DSCAM: variants seen among roughly 807,000 people sequenced by gnomAD.
The protein encoded by DSCAM is DS cell adhesion molecule.
A neutral mutation model predicts 217.7 loss-of-function variants in DSCAM; 47 were observed. The ratio of observed to expected loss-of-function variants is 0.22; its 90% CI spans 0.17 to 0.28. The LOEUF (loss-of-function observed/expected upper bound fraction) is 0.28, where lower values mean the gene tolerates loss of function less well. Among genes scored for constraint, DSCAM ranks in the 10% least tolerant of loss-of-function variants. DSCAM has a pLI of 1.00. For missense variants in DSCAM, 2,080 were observed against 2,618.3 expected, an observed-to-expected ratio of 0.79 and a Z score of 4.49; for synonymous variants, 1,056 against 1,015.3, an observed-to-expected ratio of 1.04 and a Z score of -0.76.
At chr21:40,332,651 A>T (rs1182918736) in intron 8 of DSCAM, among the ~76,000 whole-genome samples, 1 of 152,176 alleles carries the variant, frequency 6.6e-6, no homozygotes, top group Non-Finnish European at 1.5e-5. Flanking sequence ...ACTGCTTGTT[A>T]AGTTGAAATG....
At chr21:40,687,905 A>C (rs551500837) in intron 3 of DSCAM, among the ~76,000 whole-genome samples, 1 of 152,186 alleles carries the variant, frequency 6.6e-6, no homozygotes, top group Non-Finnish European at 1.5e-5. Context: ...TGCGTGATCT[A>C]TGATGCCCAG....
At chr21:40,651,278 G>A (rs759131896) in intron 3 of DSCAM, among the ~76,000 whole-genome samples, 1 of 152,166 alleles carries the variant, frequency 6.6e-6, no homozygotes, top group Non-Finnish European at 1.5e-5. Context: ...CGCAAGGCTT[G>A]AGGGTCTTCA....
intron 1 of DSCAM, among the ~76,000 whole-genome samples, chr21:40,798,301 A>G (rs1394516460): frequency 6.6e-6 from 1 of 152,148 alleles, no homozygotes; most frequent in Admixed American, 6.5e-5. Context: ...CTGTAAAAAA[A>G]AAGAGAATAC....
chr21:40,203,111 T>A (rs1486715095), intron 11 of DSCAM, among the ~76,000 whole-genome samples: 1 of 152,098 alleles, frequency 6.6e-6, no homozygotes, highest in African/African-American at 2.4e-5. Context: ...ATCACACAGG[T>A]AGAGAGGAGC....
chr21:40,735,198 G>C (rs1381427464), intron 1 of DSCAM, among the ~76,000 whole-genome samples: 1 of 152,170 alleles, frequency 6.6e-6, no homozygotes, highest in East Asian at 1.9e-4. Context: ...GGTAAGTACT[G>C]CATCCTATTA....
At position 40,011,459 on chromosome 21, in the gene DSCAM, A is replaced by C. The variant is rs141835760; in HGVS notation, c.*1575T>G. 1 of 152,358 alleles carries C rather than the reference A, an allele frequency of 6.6e-6. No homozygotes were observed. The highest frequency in any genetic ancestry group is 1.9e-4 in the East Asian group (1 of 5,178). The allele number at this position is 152,358 out of a possible 1,614,324, so 9.4% of individuals were successfully genotyped here. ...TGGCCTTAATGGAAGCCTGTAGAGAATCTTCAGCCTGGGAGACTGAGCAGC... is the reference window on the plus strand; with the variant it reads ...TGGCCTTAATGGAAGCCTGTAGAGACTCTTCAGCCTGGGAGACTGAGCAGC... On this transcript the variant is annotated 3_prime_UTR_variant, in exon 33 of 33. Transcript: ENST00000400454.
chr21:40,080,228 C>A lies in DSCAM; in HGVS notation c.4344G>T (p.Lys1448Asn). 3 of 1,613,272 alleles carry A rather than the reference C, an allele frequency of 1.9e-6. No homozygotes were observed. Among genetic ancestry groups the A allele is most frequent in the Non-Finnish European group, 2.5e-6 (3 of 1,179,884 alleles). Reference sequence around the variant, plus strand: ...CTCCATTTTGGGCTGTCAGTGTGAACTTATACCAAGTCCCACATTTGAGAT... The same window carrying A: ...CTCCATTTTGGGCTGTCAGTGTGAAATTATACCAAGTCCCACATTTGAGAT... ...LENLKCGTWYKFTLTAQNGVG... is the reference protein window; with the variant it reads ...LENLKCGTWYNFTLTAQNGVG... Residue 1448 changes from lysine to asparagine, a missense_variant, in exon 25 of 33, where the codon AAG (lysine) becomes AAT (asparagine). By Grantham distance (94) the Lys-to-Asn change is moderately conservative (BLOSUM62 0). Transcript: ENST00000400454.
chr21:40,513,841 T>TA (rs915470738), intron 3 of DSCAM, among the ~76,000 whole-genome samples: 3 of 151,724 alleles, frequency 2.0e-5, no homozygotes, highest in Admixed American at 1.3e-4. Flanking sequence ...AATTTAAAAA[T>TA]AAAAAAACTG....
At chr21:40,323,508 A>C (rs2074283046) in intron 8 of DSCAM, among the ~76,000 whole-genome samples, 1 of 152,202 alleles carries the variant, frequency 6.6e-6, no homozygotes, top group Admixed American at 6.5e-5. Flanking sequence ...AGAACAAGGA[A>C]AAGATAGAAG....
At chr21:40,504,181 G>A (rs1160695476) in intron 3 of DSCAM, among the ~76,000 whole-genome samples, 2 of 152,114 alleles carry the variant, frequency 1.3e-5, no homozygotes, top group Non-Finnish European at 2.9e-5. Flanking sequence ...GAAAGAAGAG[G>A]GGAGGAGAAA....
chr21:40,371,095 TTAAAG>T (rs1226800077), intron 3 of DSCAM, among the ~76,000 whole-genome samples: 1 of 152,200 alleles, frequency 6.6e-6, no homozygotes, highest in Non-Finnish European at 1.5e-5. Flanking sequence ...TAAAATATCT[TTAAAG>T]TAATATCTAT....
At chr21:40,070,284 G>C (rs1029074295) in intron 27 of DSCAM, among the ~76,000 whole-genome samples, 2 of 143,414 alleles carry the variant, frequency 1.4e-5, no homozygotes, top group Non-Finnish European at 3.1e-5. Context: ...GAAGGAGGGA[G>C]GGAGGGAGGG....
At chr21:40,750,312 T>TG (rs1339878131) in intron 1 of DSCAM, among the ~76,000 whole-genome samples, 1 of 152,220 alleles carries the variant, frequency 6.6e-6, no homozygotes, top group Non-Finnish European at 1.5e-5. Context: ...AACATGCTCT[T>TG]GCAGTCACCA....
chr21:40,099,148 T>C (rs2089719290), intron 20 of DSCAM, among the ~76,000 whole-genome samples: 1 of 152,264 alleles, frequency 6.6e-6, no homozygotes, highest in Non-Finnish European at 1.5e-5. Flanking sequence ...GATCTTTTTC[T>C]GTGTAGACAA....
chr21:40,124,440 G>A (rs901603213), intron 19 of DSCAM, 112 bp from the exon 20 acceptor site: 2 of 1,383,622 alleles, frequency 1.4e-6, no homozygotes, highest in Non-Finnish European at 2.0e-6. Flanking sequence ...TTCAGGATGA[G>A]CGTTATGGGT....
chr21:40,261,652 T>TACACACACACAC (rs71186922), intron 11 of DSCAM, among the ~76,000 whole-genome samples: 13 of 133,440 alleles, frequency 9.7e-5, no homozygotes, highest in African/African-American at 3.3e-4. Context: ...TCTCTCTCTC[T>TACACACACACAC]ACACACACAC....
chr21:40,722,165 C>T (rs549692627), intron 1 of DSCAM, among the ~76,000 whole-genome samples: 12 of 152,086 alleles, frequency 7.9e-5, no homozygotes, highest in Non-Finnish European at 1.2e-4. Context: ...ATACAAAAAT[C>T]GTTAAAATCT....
intron 3 of DSCAM, among the ~76,000 whole-genome samples, chr21:40,617,559 T>C (rs2089420683): frequency 6.6e-6 from 1 of 152,188 alleles, no homozygotes; most frequent in African/African-American, 2.4e-5. Context: ...TAACTGAGAC[T>C]AGGGTTTCTC....
At chr21:40,738,538 CACA>C (rs1314947029) in intron 1 of DSCAM, among the ~76,000 whole-genome samples, 1 of 152,206 alleles carries the variant, frequency 6.6e-6, no homozygotes, top group Non-Finnish European at 1.5e-5. Context: ...CCTTCCTCTA[CACA>C]ACAATTCAGG....
Sources: allele counts gnomAD v4.1 joint callset (sites outside exome capture counted in the v4.1 genomes callset), GRCh38; gene constraint gnomAD v4.1.1; transcripts MANE v1.5; gene names NCBI Gene and HGNC (gene_info 2026-07-23, HGNC 2026-07-21).